The following ZNF658 variants were observed in gnomAD, a reference collection of about 807,000 sequenced individuals.
ZNF658 encodes the protein zinc finger protein 658.
ZNF658 carries 46 observed loss-of-function variants against 78.0 expected under a neutral mutation model. The observed-to-expected ratio is 0.59, with a 90% CI of 0.47 to 0.75. The LOEUF (loss-of-function observed/expected upper bound fraction) is 0.75, where lower values mean the gene tolerates loss of function less well. Among genes scored for constraint, ZNF658 ranks in the 30% least tolerant of loss-of-function variants. The probability of loss-of-function intolerance (pLI) is 0.00; values close to 1 mark genes in which losing one functional copy is unlikely to be tolerated. For missense variants in ZNF658, 785 were observed against 1,189.3 expected, an observed-to-expected ratio of 0.66 and a Z score of 5.00; for synonymous variants, 279 against 408.4, an observed-to-expected ratio of 0.68 and a Z score of 3.82.
intron 4 of ZNF658, among the ~76,000 whole-genome samples, chr9:66,909,001 G>T (rs1050230656): frequency 6.6e-6 from 1 of 152,090 alleles, no homozygotes; most frequent in Non-Finnish European, 1.5e-5. Flanking sequence ...TATGTACATG[G>T]CATTTACATT....
At chr9:66,910,742 G>T (rs540180894) in intron 4 of ZNF658, among the ~76,000 whole-genome samples, 1 of 150,016 alleles carries the variant, frequency 6.7e-6, no homozygotes, top group Non-Finnish European at 1.5e-5. Context: ...CTTGCAGTGA[G>T]CCGAGATAGC....
In ZNF658 at chr9:66,908,869, A is replaced by G. The variant is rs1485575904; in HGVS notation, c.238+135A>G. 20 of 619,966 alleles carry G rather than the reference A, an allele frequency of 3.2e-5. No individual in the cohort carries two copies. The African/African-American group carries it at 3.7e-4, about 12-fold the overall frequency. 38.4% of individuals were successfully genotyped at this position (619,966 alleles called of 1,614,324 possible). ...TACAATTCACTCCTTTAAAGTGTAC[A>G]GGTCAGTGACTTCAAGCAACCACAG... On this transcript the variant is annotated intron_variant, in intron 4 of 4. Coordinates refer to ENST00000621410, the MANE Select transcript of ZNF658 (RefSeq NM_033160.7).
intron 4 of ZNF658, among the ~76,000 whole-genome samples, chr9:66,915,911 A>AT (rs1264877559): frequency 2.2e-5 from 3 of 136,234 alleles, no homozygotes; most frequent in East Asian, 2.1e-4. Flanking sequence ...TTCAAATATA[A>AT]TTTTTTTAAA....
intron 6 of ZNF658, among the ~76,000 whole-genome samples, chr9:66,931,294 TTGTGTG>T (rs1233229084): frequency 6.7e-6 from 1 of 149,128 alleles, no homozygotes. Flanking sequence ...TCTTTTGCAT[TTGTGTG>T]TGTGTGTGTC....
intron 4 of ZNF658, among the ~76,000 whole-genome samples, chr9:66,910,760 C>T (rs1433354360): frequency 1.4e-5 from 2 of 147,972 alleles, no homozygotes; most frequent in Non-Finnish European, 3.0e-5. Context: ...AGCACCACTG[C>T]ACTCCGGCCT....
Position 66,903,612 on chromosome 9 carries a change from A to G in ZNF658, c.15+36A>G, listed in dbSNP as rs199650077. 1,224 of 1,611,412 alleles carry G rather than the reference A, an allele frequency of 7.6e-4. 1 individual carries two copies. The East Asian group carries it at 0.024, about 32-fold the overall frequency. On this transcript the variant is annotated intron_variant, in intron 2 of 4. Transcript: ENST00000621410. ...TTTTTAAAAACCGGTTTATTTTACA[A>G]TAGGTTTTGTAAGGGTTTATGTGTC...
intron 1 of ZNF658, chr9:66,901,183 T>G (rs1821944750): frequency 6.6e-6 from 1 of 152,094 alleles, no homozygotes; most frequent in East Asian, 1.9e-4. Flanking sequence ...TGTAAGCTGC[T>G]CTCACAATTA....
intron 1 of ZNF658, chr9:66,902,839 G>C (rs1446316546): frequency 6.6e-6 from 1 of 152,070 alleles, no homozygotes; most frequent in Non-Finnish European, 1.5e-5. Context: ...GATTAAGTCA[G>C]CCTGAGTAGT....
intron 4 of ZNF658, among the ~76,000 whole-genome samples, chr9:66,910,610 C>A (rs1214470965): frequency 2.0e-5 from 3 of 151,914 alleles, no homozygotes; most frequent in East Asian, 1.9e-4. Context: ...AGATGGAGAC[C>A]ATCCTGGCTA....
intron 4 of ZNF658, among the ~76,000 whole-genome samples, chr9:66,914,980 T>G (rs1421421951): frequency 1.3e-5 from 2 of 152,170 alleles, no homozygotes; most frequent in Non-Finnish European, 1.5e-5. Flanking sequence ...AGGATTGGTA[T>G]TATTTCTTCC....
chr9:66,919,149 C>T lies in ZNF658; in HGVS notation c.1583C>T (p.Ser528Phe). The change falls in exon 5 of 5, where the codon TCC (serine) becomes TTC (phenylalanine). Residue 528 changes from serine (S) to phenylalanine (F), a missense_variant. Coordinates refer to ENST00000621410, the MANE Select transcript of ZNF658 (RefSeq NM_033160.7). The part of the protein sequence containing the change: ...YECIECGKTF[S>F]KTSHLRAHQR... ...TGTATTGAATGTGGGAAAACTTTCT[C>T]CAAGACATCACATCTCAGAGCACAT... The T allele has an allele frequency of 1.9e-6, 1 of 539,958 alleles. No individual in the cohort carries two copies. Among genetic ancestry groups the T allele is most frequent in the African/African-American group, 4.1e-5 (1 of 24,112 alleles). 33.4% of individuals were successfully genotyped at this position (539,958 alleles called of 1,614,324 possible). A position where few individuals can be genotyped will look rare whatever the true frequency, so the allele number is the denominator to read the frequency against.
chr9:66,928,860 C>T (rs1327834799), intron 6 of ZNF658, among the ~76,000 whole-genome samples: 2 of 148,448 alleles, frequency 1.3e-5, no homozygotes, highest in African/African-American at 5.0e-5. Flanking sequence ...TTTGGGGTGA[C>T]AGATATTAAT....
chr9:66,932,029 C>T (rs1379045412), exon 7 of ZNF658: 1 of 124,056 alleles, frequency 8.1e-6, no homozygotes, highest in African/African-American at 3.0e-5. Flanking sequence ...CCTCAGGGCT[C>T]AATGAAGAGG....
intron 2 of ZNF658, among the ~76,000 whole-genome samples, chr9:66,905,073 T>TTC (rs1214469086): frequency 1.0e-5 from 1 of 100,462 alleles, no homozygotes; most frequent in Non-Finnish European, 2.0e-5. Context: ...CTTTTCTTTT[T>TTC]TTTTTTTTTT....
chr9:66,913,879 GATGGCTGTAC>G (rs1358301774), intron 4 of ZNF658, among the ~76,000 whole-genome samples: 2 of 72,988 alleles, frequency 2.7e-5, no homozygotes, highest in African/African-American at 1.4e-4. Flanking sequence ...TTAGAAAACA[GATGGCTGTAC>G]ATTTGGGGGT....
rs1822509234 is a variant in ZNF658 at position 66,920,860 on chromosome 9, A to G, written c.*114A>G. 1 of 693,684 alleles carries G rather than the reference A, an allele frequency of 1.4e-6. No individual in the cohort carries two copies. Among genetic ancestry groups the G allele is most frequent in the Non-Finnish European group, 2.6e-6 (1 of 386,186 alleles). 43.0% of individuals were successfully genotyped at this position (693,684 alleles called of 1,614,324 possible). A position where few individuals can be genotyped will look rare whatever the true frequency, so the allele number is the denominator to read the frequency against. On this transcript the variant is annotated 3_prime_UTR_variant, in exon 5 of 5. Coordinates refer to ENST00000621410, the MANE Select transcript of ZNF658 (RefSeq NM_033160.7). Reference sequence around the variant, plus strand: ...CATTAGGCTCATAGTTTGTGGAAAAATCCCAATATGCCGTTTATTCAGGTG... The same window carrying G: ...CATTAGGCTCATAGTTTGTGGAAAAGTCCCAATATGCCGTTTATTCAGGTG...
chr9:66,908,500 C>T (rs1178285937), intron 3 of ZNF658, 136 bp downstream of exon 3: 2 of 1,474,342 alleles, frequency 1.4e-6, no homozygotes, highest in Non-Finnish European at 1.8e-6. Context: ...TTTACAGAAA[C>T]AAAAGCAACA....
At chr9:66,922,431 C>G (rs77751076), downstream of ZNF658, among the ~76,000 whole-genome samples, 1 of 144,368 alleles carries the variant, frequency 6.9e-6, no homozygotes, top group Non-Finnish European at 1.5e-5. Flanking sequence ...GCGTCACTCA[C>G]GCTGGGAGCT....
intron 1 of ZNF658, 33 bp downstream of exon 1, chr9:66,900,869 C>G (rs1301481996): frequency 2.0e-5 from 3 of 152,240 alleles, no homozygotes; most frequent in African/African-American, 4.8e-5. Flanking sequence ...TCCGCGCGGC[C>G]CAGGAACCTG....
Sources: allele counts gnomAD v4.1 joint callset (sites outside exome capture counted in the v4.1 genomes callset), GRCh38; gene constraint gnomAD v4.1.1; transcripts MANE v1.5; gene names NCBI Gene and HGNC (gene_info 2026-07-23, HGNC 2026-07-21).